The following RAD23B variants were observed in gnomAD, a reference collection of about 807,000 sequenced individuals.
RAD23B encodes RAD23 nucleotide excision repair protein B, also known as lysine-specific demethylase RAD23B.
Under a neutral mutation model 49.1 loss-of-function variants are expected in RAD23B, and 5 were observed. The observed-to-expected ratio is 0.10, with a 90% CI of 0.05 to 0.21. The LOEUF is 0.21. RAD23B is among the 10% of genes least tolerant of loss of function. The pLI is 1.00. For synonymous variants in RAD23B, 184 were observed against 165.4 expected (o/e 1.11, Z -0.86); for missense variants, 356 against 486.7 (o/e 0.73, Z 2.53).
intron 8 of RAD23B, 141 bp downstream of exon 8, chr9:107,324,158 G>A (rs1003355326): frequency 2.0e-6 from 2 of 1,014,090 alleles, no homozygotes; most frequent in African/African-American, 3.3e-5. Context: ...CTTAGATATT[G>A]TAATCTAGAT....
At chr9:107,329,284 C>T (rs1175011955) in intron 9 of RAD23B, among the ~76,000 whole-genome samples, 1 of 152,272 alleles carries the variant, frequency 6.6e-6, no homozygotes, top group South Asian at 2.1e-4. Context: ...ATCTATTAAG[C>T]TTTAACTAGA....
intron 5 of RAD23B, among the ~76,000 whole-genome samples, chr9:107,313,571 A>G (rs566364470): frequency 6.6e-6 from 1 of 152,270 alleles, no homozygotes; most frequent in East Asian, 1.9e-4. Context: ...TGAGTTTTCT[A>G]TGGTTCCATT....
chr9:107,310,500 A>G (rs1384800874), intron 4 of RAD23B, among the ~76,000 whole-genome samples: 1 of 152,218 alleles, frequency 6.6e-6, no homozygotes, highest in African/African-American at 2.4e-5. Flanking sequence ...GTGCCGACAT[A>G]GAATGATTGT....
intron 5 of RAD23B, among the ~76,000 whole-genome samples, chr9:107,317,126 T>C (rs1827014703): frequency 6.6e-6 from 1 of 152,024 alleles, no homozygotes. Context: ...GTGTGTTTAC[T>C]TGACTTTTGC....
chr9:107,328,688 A>G (rs1195751222), intron 9 of RAD23B, among the ~76,000 whole-genome samples: 1 of 152,120 alleles, frequency 6.6e-6, no homozygotes, highest in East Asian at 1.9e-4. Flanking sequence ...TTGCTCACCC[A>G]CTGCTCACCT....
At chr9:107,291,987 G>A (rs924344050) in intron 1 of RAD23B, among the ~76,000 whole-genome samples, 2 of 152,160 alleles carry the variant, frequency 1.3e-5, no homozygotes, top group Admixed American at 6.5e-5. Flanking sequence ...AGTAAATAAA[G>A]TATAGTAAAA....
intron 1 of RAD23B, among the ~76,000 whole-genome samples, chr9:107,291,537 A>C (rs1335696553): frequency 6.6e-6 from 1 of 152,186 alleles, no homozygotes; most frequent in African/African-American, 2.4e-5. Context: ...TCAATTGTAA[A>C]AATCTCCTGT....
At chr9:107,328,376 CA>C (rs1202112525) in intron 9 of RAD23B, among the ~76,000 whole-genome samples, 3 of 152,056 alleles carry the variant, frequency 2.0e-5, no homozygotes, top group Admixed American at 2.0e-4. Context: ...GAAACTGTTC[CA>C]CCTCCGATCA....
Position 107,311,753 on chromosome 9 carries a change from T to A in RAD23B, c.553+16T>A. 1 of 1,552,954 alleles carries A rather than the reference T, an allele frequency of 6.4e-7. No homozygotes were observed. Among genetic ancestry groups the A allele is most frequent in the South Asian group, 1.2e-5 (1 of 81,528 alleles). ...AGTGCACTTGGTAAGTATCTGCTTT[T>A]CCTTATAAATAACCTATAAAGAGAT... On this transcript the variant is annotated intron_variant, in intron 5 of 9. Coordinates refer to ENST00000358015, the MANE Select transcript of RAD23B (RefSeq NM_002874.5).
intron 9 of RAD23B, among the ~76,000 whole-genome samples, chr9:107,326,627 CTTTTTTTTTTTTTTTT>C (rs796381629): frequency 1.5e-5 from 1 of 67,510 alleles, no homozygotes; most frequent in African/African-American, 4.8e-5. Context: ...TTTTGTATTT[CTTTTTTTTTTTTTTTT>C]TTTTTTTTGA....
Position 107,328,925 on chromosome 9 carries a change from G to A in RAD23B, c.1117-618G>A, listed in dbSNP as rs559756939. 4.6e-5 allele frequency among the ~76,000 whole-genome samples: 7 copies of A among 152,302 alleles called. No individual in the cohort carries two copies. In the East Asian group the frequency reaches 1.4e-3, roughly 29 times the overall value. ...AGCTGGTATTACCATTTAAAATGCT[G>A]TAACTGTTAAGCAGATAAAAATAGA... is the stretch of plus-strand genomic sequence containing the variant. On this transcript the variant is annotated intron_variant, in intron 9 of 9. Transcript: ENST00000358015.
chr9:107,303,257 A>G lies in RAD23B; in HGVS notation c.228+1143A>G, dbSNP rs77913508. Among the ~76,000 whole-genome samples the G allele has an allele frequency of 1.2e-3, 186 of 152,300 alleles. 1 individual carries two copies. In the East Asian group the frequency reaches 0.03, roughly 25 times the overall value. ...TGAAACCACTTCATCAAAGGCCAAA[A>G]GTGGATTAAATGTGGGTTTTTTCTC... On this transcript the variant is annotated intron_variant, in intron 3 of 9. Coordinates refer to ENST00000358015, the MANE Select transcript of RAD23B (RefSeq NM_002874.5).
At chr9:107,327,208 CTT>C (rs1827223824) in intron 9 of RAD23B, among the ~76,000 whole-genome samples, 1 of 151,922 alleles carries the variant, frequency 6.6e-6, no homozygotes, top group Non-Finnish European at 1.5e-5. Context: ...ACAAAAATAA[CTT>C]TGGGTTTTGT....
chr9:107,291,734 A>T (rs1833388251), intron 1 of RAD23B, among the ~76,000 whole-genome samples: 1 of 152,214 alleles, frequency 6.6e-6, no homozygotes, highest in Non-Finnish European at 1.5e-5. Flanking sequence ...GAACCGAAGA[A>T]CCAAAAAAGA....
intron 1 of RAD23B, among the ~76,000 whole-genome samples, chr9:107,290,754 C>T (rs1219457841): frequency 2.0e-5 from 3 of 152,094 alleles, no homozygotes; most frequent in Non-Finnish European, 2.9e-5. Flanking sequence ...GTTTTTATTT[C>T]GATCATTTCA....
intron 1 of RAD23B, among the ~76,000 whole-genome samples, chr9:107,295,724 A>G (rs1826501944): frequency 6.6e-6 from 1 of 152,194 alleles, no homozygotes; most frequent in African/African-American, 2.4e-5. Flanking sequence ...AGAAAACGGT[A>G]TAAATGTAGA....
At chr9:107,298,569 G>C (rs1183464863) in intron 1 of RAD23B, among the ~76,000 whole-genome samples, 2 of 141,024 alleles carry the variant, frequency 1.4e-5, no homozygotes, top group Admixed American at 1.5e-4. Flanking sequence ...GGCCTCAGGT[G>C]ATCCTCCCAC....
At chr9:107,310,494 C>T (rs939236026) in intron 4 of RAD23B, among the ~76,000 whole-genome samples, 40 of 151,590 alleles carry the variant, frequency 2.6e-4, no homozygotes, top group Non-Finnish European at 4.4e-5. Context: ...TTGATTGTGC[C>T]GACATAGAAT....
intron 1 of RAD23B, among the ~76,000 whole-genome samples, chr9:107,288,302 C>T (rs1292344673): frequency 6.6e-6 from 1 of 152,080 alleles, no homozygotes; most frequent in African/African-American, 2.4e-5. Flanking sequence ...ATGTCAGGCC[C>T]TGCTGTGATG....
Sources: allele counts gnomAD v4.1 joint callset (sites outside exome capture counted in the v4.1 genomes callset), GRCh38; gene constraint gnomAD v4.1.1; transcripts MANE v1.5; gene names NCBI Gene and HGNC (gene_info 2026-07-23, HGNC 2026-07-21).